The following CFAP20DC variants were observed in gnomAD, a reference collection of about 807,000 sequenced individuals.
CFAP20DC encodes protein CFAP20DC.
Under a neutral mutation model 101.7 loss-of-function variants are expected in CFAP20DC, and 84 were observed. That is an observed-to-expected ratio of 0.83 (90% CI 0.69 to 0.99). The LOEUF (loss-of-function observed/expected upper bound fraction) is 0.99. CFAP20DC is among the 50% of genes least tolerant of loss of function. The pLI is 0.00. For synonymous variants in CFAP20DC, 359 were observed against 351.2 expected, an observed-to-expected ratio of 1.02 and a Z score of -0.25; for missense variants, 1,007 against 970.3, an observed-to-expected ratio of 1.04 and a Z score of -0.50.
At chr3:58,943,745 G>A (rs749931189) in intron 4 of CFAP20DC, among the ~76,000 whole-genome samples, 42 of 152,132 alleles carry the variant, frequency 2.8e-4, no homozygotes, top group Non-Finnish European at 1.6e-4. Context: ...ACAGAAGTAC[G>A]CTTCAGAAGG....
intron 15 of CFAP20DC, among the ~76,000 whole-genome samples, chr3:58,785,857 A>C (rs1235134796): frequency 4.0e-5 from 6 of 151,840 alleles, no homozygotes; most frequent in African/African-American, 1.5e-4. Context: ...AGTCTCCTTT[A>C]CTGGAGACAA....
intron 4 of CFAP20DC, among the ~76,000 whole-genome samples, chr3:58,972,304 T>C (rs1301056828): frequency 6.6e-6 from 1 of 152,124 alleles, no homozygotes; most frequent in Non-Finnish European, 1.5e-5. Flanking sequence ...TAGTTCAATA[T>C]GAGTGGACAT....
rs530726163 is a variant in CFAP20DC at position 59,049,659 on chromosome 3, G to C, written c.-28C>G. The C allele has an allele frequency of 2.0e-6, 3 of 1,535,628 alleles. No individual in the cohort carries two copies. The highest frequency in any genetic ancestry group is 3.9e-5 in the Admixed American group (2 of 50,954). ...CCGCAGGGGGCCCAGGGCTTGGGGGGCACAGAGTTCAGGGTTTCCAGCGAG... is the reference window on the plus strand; with the variant it reads ...CCGCAGGGGGCCCAGGGCTTGGGGGCCACAGAGTTCAGGGTTTCCAGCGAG... On this transcript the variant is annotated 5_prime_UTR_variant, in exon 1 of 17. Transcript: ENST00000482387.
At chr3:59,011,278 G>A (rs2093576160) in intron 4 of CFAP20DC, among the ~76,000 whole-genome samples, 1 of 151,920 alleles carries the variant, frequency 6.6e-6, no homozygotes, top group Admixed American at 6.6e-5. Flanking sequence ...CATACCTGTA[G>A]TCCCAGCTAC....
At chr3:58,852,662 A>G (rs1156865972) in intron 12 of CFAP20DC, among the ~76,000 whole-genome samples, 1 of 150,280 alleles carries the variant, frequency 6.7e-6, no homozygotes, top group Admixed American at 6.6e-5. Flanking sequence ...ATCAAACTAG[A>G]ACTCAGGATT....
At chr3:58,937,843 A>C in intron 4 of CFAP20DC, 81 bp from the exon 5 acceptor site, 1 of 793,498 alleles carries the variant, frequency 1.3e-6, no homozygotes, top group Non-Finnish European at 2.1e-6. Context: ...AAAATGATAT[A>C]ATTTATCATA....
chr3:58,726,900 C>T (rs563045163), intron 3 of CFAP20DC: 17 of 239,800 alleles, frequency 7.1e-5, no homozygotes, highest in African/African-American at 1.9e-4. Context: ...CTTCCACTCG[C>T]GCCATCAGAA....
chr3:58,871,531 CTT>C (rs951056591), intron 7 of CFAP20DC, among the ~76,000 whole-genome samples: 17 of 136,046 alleles, frequency 1.2e-4, no homozygotes, highest in Admixed American at 3.7e-4. Flanking sequence ...TCCGACTTTT[CTT>C]TTTTTTTTTT....
chr3:59,009,254 T>C lies in CFAP20DC; in HGVS notation c.278+30303A>G, dbSNP rs137984703. 5.6e-3 allele frequency among the ~76,000 whole-genome samples: 857 copies of C among 152,042 alleles called. 7 individuals carry two copies. The highest frequency in any genetic ancestry group is 0.02 in the African/African-American group (827 of 41,468). On this transcript the variant is annotated intron_variant, in intron 4 of 16. Coordinates refer to ENST00000482387, the MANE Select transcript of CFAP20DC (RefSeq NM_001394063.1). ...GAGGGAACCAGAAAAATAATTCTGG[T>C]AATATGACAAAACAGGGTCCTACAA...
At chr3:58,941,932 T>C (rs1450782456) in intron 4 of CFAP20DC, among the ~76,000 whole-genome samples, 2 of 152,232 alleles carry the variant, frequency 1.3e-5, no homozygotes. Context: ...TTACAATATA[T>C]ACCCTTGCTT....
At chr3:58,909,899 A>C (rs933921446) in intron 6 of CFAP20DC, among the ~76,000 whole-genome samples, 7 of 152,006 alleles carry the variant, frequency 4.6e-5, no homozygotes, top group African/African-American at 1.7e-4. Flanking sequence ...CCTACTCCCC[A>C]ACAGGCCCCA....
chr3:58,766,468 T>C (rs928817818), intron 15 of CFAP20DC, among the ~76,000 whole-genome samples: 2 of 152,232 alleles, frequency 1.3e-5, no homozygotes, highest in Admixed American at 1.3e-4. Context: ...GTGTCATCTG[T>C]AGCAAAAGCT....
At chr3:58,986,513 A>G (rs1326706507) in intron 4 of CFAP20DC, among the ~76,000 whole-genome samples, 1 of 152,174 alleles carries the variant, frequency 6.6e-6, no homozygotes, top group East Asian at 1.9e-4. Flanking sequence ...TTCTGTATGG[A>G]AAATCAAAAA....
At chr3:58,890,451 G>C (rs549484649) in intron 6 of CFAP20DC, among the ~76,000 whole-genome samples, 11,438 of 90,514 alleles carry the variant, frequency 0.13, 1,705 homozygotes, top group African/African-American at 0.38. Context: ...CCCCCCCCAC[G>C]TCCCTCCCGG....
chr3:59,048,062 A>T (rs898341784), intron 1 of CFAP20DC, among the ~76,000 whole-genome samples: 6 of 152,240 alleles, frequency 3.9e-5, no homozygotes, highest in African/African-American at 1.4e-4. Context: ...AAACATGAGA[A>T]CATGGAAGGA....
intron 12 of CFAP20DC, among the ~76,000 whole-genome samples, chr3:58,857,647 T>C (rs576488207): frequency 5.1e-4 from 78 of 152,290 alleles, no homozygotes; most frequent in African/African-American, 1.6e-3. Context: ...GCCCTAGAAC[T>C]GCTAATTCTG....
At chr3:58,778,856 C>T (rs2071576009) in intron 15 of CFAP20DC, among the ~76,000 whole-genome samples, 1 of 152,214 alleles carries the variant, frequency 6.6e-6, no homozygotes, top group African/African-American at 2.4e-5. Flanking sequence ...ACACCACTGA[C>T]ACTGTTTATA....
intron 14 of CFAP20DC, among the ~76,000 whole-genome samples, chr3:58,808,713 T>A (rs1440376020): frequency 7.9e-5 from 12 of 152,046 alleles, no homozygotes; most frequent in African/African-American, 1.2e-4. Context: ...CACACATAAC[T>A]ATATTAACCT....
chr3:58,787,564 A>G (rs952665488), intron 15 of CFAP20DC, among the ~76,000 whole-genome samples: 2 of 152,190 alleles, frequency 1.3e-5, no homozygotes, highest in African/African-American at 4.8e-5. Flanking sequence ...TAGTTCAACC[A>G]TGGTGGAGGA....
Sources: allele counts gnomAD v4.1 joint callset (sites outside exome capture counted in the v4.1 genomes callset), GRCh38; gene constraint gnomAD v4.1.1; transcripts MANE v1.5; gene names NCBI Gene and HGNC (gene_info 2026-07-23, HGNC 2026-07-21).